The following COL25A1 variants were observed in gnomAD, a reference collection of about 807,000 sequenced individuals.
COL25A1 encodes the protein collagen alpha-1(XXV) chain.
A neutral mutation model predicts 128.4 loss-of-function variants in COL25A1; 103 were observed. The observed-to-expected ratio is 0.80, with a 90% CI of 0.68 to 0.94. The LOEUF (loss-of-function observed/expected upper bound fraction) is 0.94, where lower values mean the gene tolerates loss of function less well. Among genes scored for constraint, COL25A1 ranks in the 40% least tolerant of loss-of-function variants. The pLI is 0.00. For missense variants in COL25A1, 745 were observed against 840.0 expected, an observed-to-expected ratio of 0.89 and a Z score of 1.40; for synonymous variants, 279 against 277.2, an observed-to-expected ratio of 1.01 and a Z score of -0.06.
chr4:108,860,662 A>G (rs1737092940), intron 23 of COL25A1, among the ~76,000 whole-genome samples: 1 of 151,950 alleles, frequency 6.6e-6, no homozygotes, highest in East Asian at 1.9e-4. Flanking sequence ...CATTAGCTGG[A>G]TGGGAACAGA....
chr4:109,034,532 T>C (rs1038749823), intron 5 of COL25A1, among the ~76,000 whole-genome samples: 1 of 152,238 alleles, frequency 6.6e-6, no homozygotes, highest in African/African-American at 2.4e-5. Context: ...CCTCTTCAAA[T>C]TCCTATTTGG....
At chr4:109,046,623 T>A (rs764621322) in intron 5 of COL25A1, among the ~76,000 whole-genome samples, 1 of 152,194 alleles carries the variant, frequency 6.6e-6, no homozygotes, top group Non-Finnish European at 1.5e-5. Flanking sequence ...CTGCCTAGCA[T>A]TAAGCAAGAG....
chr4:109,117,089 A>G (rs1171355378), intron 3 of COL25A1, among the ~76,000 whole-genome samples: 5 of 151,730 alleles, frequency 3.3e-5, no homozygotes, highest in Non-Finnish European at 2.9e-5. Flanking sequence ...AACAGAAGTA[A>G]TATTTGTAAC....
chr4:108,998,126 G>A (rs1754959693), intron 6 of COL25A1, among the ~76,000 whole-genome samples: 2 of 152,152 alleles, frequency 1.3e-5, no homozygotes, highest in African/African-American at 2.4e-5. Flanking sequence ...ACTGTCCAGG[G>A]CAATCAGGCA....
chr4:108,920,583 G>T lies in COL25A1; in HGVS notation c.730C>A (p.Gln244Lys). ...GLMGPLGPPG[Q>K]KGSIGAPGIP... is the part of the protein sequence containing the mutation. ...TATTGTTGTTTATACTCTACCTTTT[G>T]TCCCGGAGGCCCTAGAGGACCCTAA... The change falls in exon 12 of 38, where the codon CAA (glutamine) becomes AAA (lysine). Residue 244 changes from glutamine (Q) to lysine (K), a missense_variant. By Grantham distance (53) the Gln-to-Lys change is moderately conservative. Transcript: ENST00000399132. 6.2e-7 allele frequency: 1 copy of T among 1,603,098 alleles called. No homozygotes were observed. The highest frequency in any genetic ancestry group is 1.3e-5 in the African/African-American group (1 of 74,572).
chr4:108,873,559 T>C lies in COL25A1; in HGVS notation c.1021-4409A>G, dbSNP rs10856994. Among the ~76,000 whole-genome samples the C allele has an allele frequency of 5.8e-3, 621 of 106,304 alleles. 4 individuals are homozygous for C. Among genetic ancestry groups the C allele is most frequent in the African/African-American group, 0.018 (585 of 33,196 alleles). The allele number at this position is 106,304 out of a possible 152,430, so 69.7% of individuals were successfully genotyped here. A position where few individuals can be genotyped will look rare whatever the true frequency, so the allele number is the denominator to read the frequency against. On this transcript the variant is annotated intron_variant, in intron 19 of 37. Transcript: ENST00000399132. Reference sequence around the variant, plus strand: ...GTAGTAGTAGTAGTAGTAGTAGTAGTAGCAGCAGTAGCAGCAGTAGCAGTA... The same window carrying C: ...GTAGTAGTAGTAGTAGTAGTAGTAGCAGCAGCAGTAGCAGCAGTAGCAGTA...
At chr4:109,171,671 T>C (rs544479667) in intron 3 of COL25A1, among the ~76,000 whole-genome samples, 1 of 152,348 alleles carries the variant, frequency 6.6e-6, no homozygotes, top group African/African-American at 2.4e-5. Context: ...AGTGCTGTAT[T>C]TTATTCATCT....
intron 8 of COL25A1, among the ~76,000 whole-genome samples, chr4:108,952,848 TTTTTTTTTG>T (rs1363984113): frequency 0.036 from 5,283 of 145,212 alleles, 263 homozygotes; most frequent in African/African-American, 0.12. Context: ...TTTTTTTTTT[TTTTTTTTTG>T]GCATGTTTCA....
chr4:108,990,239 AATATATATATATAT>A (rs1331433908), intron 6 of COL25A1, among the ~76,000 whole-genome samples: 117 of 26,356 alleles, frequency 4.4e-3, no homozygotes, highest in East Asian at 0.025. Context: ...AAAAAAAAAA[AATATATATATATAT>A]ATATATATAT....
At chr4:108,987,960 C>T (rs1457357212) in intron 6 of COL25A1, among the ~76,000 whole-genome samples, 2 of 152,156 alleles carry the variant, frequency 1.3e-5, no homozygotes, top group Non-Finnish European at 2.9e-5. Flanking sequence ...TGAAACTTAG[C>T]TCACCCTGCT....
chr4:108,895,742 G>A (rs1742042088), intron 16 of COL25A1, among the ~76,000 whole-genome samples: 1 of 151,828 alleles, frequency 6.6e-6, no homozygotes, highest in Admixed American at 6.6e-5. Context: ...ATTTCAATGG[G>A]TTTTTGGGGG....
chr4:108,942,318 G>T, intron 8 of COL25A1: 1 of 1,499,628 alleles, frequency 6.7e-7, no homozygotes, highest in Non-Finnish European at 9.1e-7. Flanking sequence ...ACGTCACACA[G>T]ACATTTCACT....
intron 3 of COL25A1, among the ~76,000 whole-genome samples, chr4:109,288,767 A>G (rs1303146171): frequency 6.6e-6 from 1 of 152,096 alleles, no homozygotes; most frequent in East Asian, 1.9e-4. Context: ...CAGTAATGCA[A>G]GCATAGCAAT....
intron 3 of COL25A1, among the ~76,000 whole-genome samples, chr4:109,078,798 G>A (rs1414374580): frequency 6.6e-6 from 1 of 152,184 alleles, no homozygotes; most frequent in Non-Finnish European, 1.5e-5. Flanking sequence ...CGCAGCCTGG[G>A]CAGACTTCCT....
chr4:109,269,789 T>C (rs1167444292), intron 3 of COL25A1, among the ~76,000 whole-genome samples: 1 of 152,138 alleles, frequency 6.6e-6, no homozygotes. Flanking sequence ...TAGACCAATA[T>C]CCTTGATGAA....
At position 108,947,322 on chromosome 4, in the gene COL25A1, A is replaced by G. The variant is rs1005834082; in HGVS notation, c.493-5885T>C. Among the ~76,000 whole-genome samples the G allele has an allele frequency of 2.0e-5, 3 of 151,940 alleles. No individual in the cohort carries two copies. In the East Asian group the frequency reaches 5.8e-4, roughly 29 times the overall value. On this transcript the variant is annotated intron_variant, in intron 8 of 37. Transcript: ENST00000399132. ...CTGGGCATGGTGGCGGGTGCCTGTAATCTCAGCTACTTGGGAGGCTGAGGC... is the reference window on the plus strand; with the variant it reads ...CTGGGCATGGTGGCGGGTGCCTGTAGTCTCAGCTACTTGGGAGGCTGAGGC...
intron 6 of COL25A1, among the ~76,000 whole-genome samples, chr4:109,004,986 C>T (rs1014139978): frequency 6.6e-6 from 1 of 152,140 alleles, no homozygotes; most frequent in Non-Finnish European, 1.5e-5. Flanking sequence ...TTTTAATAAA[C>T]TTTAAAGGAT....
At chr4:109,198,357 TAATC>T (rs1203807335) in intron 3 of COL25A1, among the ~76,000 whole-genome samples, 1 of 151,308 alleles carries the variant, frequency 6.6e-6, no homozygotes, top group African/African-American at 2.4e-5. Flanking sequence ...TGCTATGCAT[TAATC>T]AAGAGAAAAC....
At chr4:109,207,255 C>CTG (rs1224733200) in intron 3 of COL25A1, among the ~76,000 whole-genome samples, 1 of 152,138 alleles carries the variant, frequency 6.6e-6, no homozygotes, top group Non-Finnish European at 1.5e-5. Context: ...CTGTACCTCA[C>CTG]TGTGTGTATA....
Sources: allele counts gnomAD v4.1 joint callset (sites outside exome capture counted in the v4.1 genomes callset), GRCh38; gene constraint gnomAD v4.1.1; transcripts MANE v1.5; gene names NCBI Gene and HGNC (gene_info 2026-07-23, HGNC 2026-07-21).